The following DST variants were observed in gnomAD, a reference collection of about 807,000 sequenced individuals.
DST encodes the protein dystonin.
In DST, 253 loss-of-function variants were observed where a neutral mutation model predicts 875.2. That is an observed-to-expected ratio of 0.29 (90% confidence interval 0.26 to 0.32). The LOEUF (loss-of-function observed/expected upper bound fraction) is 0.32, where lower values mean the gene tolerates loss of function less well. Ranked by LOEUF, DST falls within the 10% of genes least tolerant of loss-of-function variation. DST has a pLI of 1.00. For synonymous variants in DST, 3,124 were observed against 3,197.1 expected, an observed-to-expected ratio of 0.98 and a Z score of 0.77; for missense variants, 8,287 against 9,111.6, an observed-to-expected ratio of 0.91 and a Z score of 3.68.
intron 2 of DST, among the ~76,000 whole-genome samples, chr6:56,934,161 T>A (rs1262501323): frequency 6.6e-6 from 1 of 152,102 alleles, no homozygotes; most frequent in Non-Finnish European, 1.5e-5. Flanking sequence ...ATGCTACTCA[T>A]CTTTCTAGCG....
At chr6:56,954,002 G>T (rs926882386) in intron 1 of DST, among the ~76,000 whole-genome samples, 183 bp from the exon 2 acceptor site, 4 of 152,142 alleles carry the variant, frequency 2.6e-5, no homozygotes, top group Admixed American at 6.5e-5. Context: ...TGATTTCTCC[G>T]CGAGAAGTTT....
intron 36 of DST, among the ~76,000 whole-genome samples, chr6:56,621,811 TAGAC>T (rs1341795106): frequency 6.6e-6 from 1 of 152,364 alleles, no homozygotes; most frequent in East Asian, 1.9e-4. Flanking sequence ...GAAATTATTT[TAGAC>T]AGATTTGTTT....
intron 55 of DST, among the ~76,000 whole-genome samples, chr6:56,567,101 C>T (rs2097692469): frequency 6.6e-6 from 1 of 152,172 alleles, no homozygotes; most frequent in African/African-American, 2.4e-5. Flanking sequence ...AGGTCCATTG[C>T]TTAGCAAGTA....
chr6:56,772,265 A>G (rs1275378761), intron 4 of DST, among the ~76,000 whole-genome samples: 1 of 152,238 alleles, frequency 6.6e-6, no homozygotes, highest in East Asian at 1.9e-4. Context: ...TTGCAATATA[A>G]CATCTAAATT....
At chr6:56,878,427 C>T (rs192886123) in intron 3 of DST, among the ~76,000 whole-genome samples, 4 of 152,232 alleles carry the variant, frequency 2.6e-5, no homozygotes, top group Admixed American at 6.5e-5. Flanking sequence ...GCTGCCCCTC[C>T]GTGGCACATG....
chr6:56,881,656 A>C (rs531253716), intron 3 of DST, among the ~76,000 whole-genome samples: 80 of 152,346 alleles, frequency 5.3e-4, no homozygotes, highest in African/African-American at 1.8e-3. Context: ...AGAGCAAGCC[A>C]TAGGCCACAG....
chr6:56,804,408 G>A (rs887458259), intron 4 of DST, among the ~76,000 whole-genome samples: 1 of 151,974 alleles, frequency 6.6e-6, no homozygotes, highest in Non-Finnish European at 1.5e-5. Flanking sequence ...TAACTGTTTT[G>A]GTATTACTAA....
intron 61 of DST, among the ~76,000 whole-genome samples, chr6:56,537,875 T>C (rs2097042514): frequency 6.6e-6 from 1 of 152,238 alleles, no homozygotes; most frequent in East Asian, 1.9e-4. Flanking sequence ...CATGTAATAT[T>C]TGCCAATATT....
rs963527819 is a variant in DST at position 56,606,995 on chromosome 6, G to A, written c.7633C>T (p.Pro2545Ser). The A allele has an allele frequency of 1.2e-6, 2 of 1,613,290 alleles. No homozygotes were observed. The highest frequency in any genetic ancestry group is 1.3e-5 in the African/African-American group (1 of 74,850). ...TCAGACTCATCTTCCTTGTCTTCAG[G>A]CATCTGCTGAAAACCTGGATGTGTT... is the stretch of plus-strand genomic sequence containing the variant. ...EKTHPGFQQM[P>S]EDKEDESEIE... The change falls in exon 40 of 104, where the codon CCT becomes TCT. Residue 2545 changes from proline to serine, a missense_variant. Pro to Ser is a moderately conservative substitution (Grantham distance 74). Transcript: ENST00000680361.
chr6:56,529,440 C>G lies in DST; in HGVS notation c.17595+8G>C. On this transcript the variant is annotated splice_region_variant and intron_variant, in intron 66 of 103. Transcript: ENST00000680361. ...AAAAATAAGATAAAATAAAATAAAT[C>G]AAAATACCCGAAGTTCAGACTGCTG... 1 of 1,448,750 alleles carries G rather than the reference C, an allele frequency of 6.9e-7. No individual in the cohort carries two copies. Among genetic ancestry groups the G allele is most frequent in the Non-Finnish European group, 9.1e-7 (1 of 1,098,936 alleles). The allele number at this position is 1,448,750 out of a possible 1,614,324, so 89.7% of individuals were successfully genotyped here.
intron 2 of DST, among the ~76,000 whole-genome samples, chr6:56,930,173 T>C (rs1809402074): frequency 6.6e-6 from 1 of 152,264 alleles, no homozygotes. Flanking sequence ...CCTCATCTTG[T>C]AGCACTCAGT....
chr6:56,917,009 A>AAAAAAAAAAAAAAAAAAAC (rs1801574430), intron 2 of DST, among the ~76,000 whole-genome samples: 1 of 99,862 alleles, frequency 1.0e-5, no homozygotes, highest in African/African-American at 4.0e-5. Flanking sequence ...AAAAAAAAAA[A>AAAAAAAAAAAAAAAAAAAC]AAAAAAAAGA....
At chr6:56,636,708 C>T in intron 22 of DST, 56 bp from the exon 23 acceptor site, 2 of 1,329,294 alleles carry the variant, frequency 1.5e-6, no homozygotes, top group East Asian at 2.3e-5. Context: ...GGCACACATA[C>T]CTTTTGATAT....
chr6:56,938,076 CTCTCTT>C (rs1813968673), intron 2 of DST, among the ~76,000 whole-genome samples: 1 of 78,698 alleles, frequency 1.3e-5, no homozygotes, highest in South Asian at 4.7e-4. Flanking sequence ...ACACCTCTCT[CTCTCTT>C]TCTCTCTCTC....
At chr6:56,562,242 A>G (rs1377299180) in intron 55 of DST, 42 bp from the exon 56 acceptor site, 2 of 1,349,570 alleles carry the variant, frequency 1.5e-6, no homozygotes, top group African/African-American at 1.5e-5. Context: ...GTTTCATAGT[A>G]TTTCTATACA....
intron 59 of DST, 38 bp from the exon 60 acceptor site, chr6:56,555,878 T>A (rs1465276184): frequency 7.0e-7 from 1 of 1,424,306 alleles, no homozygotes; most frequent in South Asian, 1.8e-5. Context: ...AATTATTATA[T>A]AATTGATTGT....
At chr6:56,484,286 A>T (rs2095492717) in intron 88 of DST, 2 of 152,246 alleles carry the variant, frequency 1.3e-5, no homozygotes, top group African/African-American at 4.8e-5. Flanking sequence ...TGTGATTTTT[A>T]AATTTTTAAC....
chr6:56,588,119 C>T (rs2098197557), intron 49 of DST, among the ~76,000 whole-genome samples: 1 of 152,176 alleles, frequency 6.6e-6, no homozygotes, highest in Non-Finnish European at 1.5e-5. Flanking sequence ...TTTATAGCAA[C>T]ACAAGAACAG....
chr6:56,582,511 A>G (rs1206436950), intron 49 of DST, among the ~76,000 whole-genome samples: 2 of 152,016 alleles, frequency 1.3e-5, no homozygotes, highest in Non-Finnish European at 2.9e-5. Context: ...AAGCTGAGTG[A>G]TGTCAGTGCC....
Sources: allele counts gnomAD v4.1 joint callset (sites outside exome capture counted in the v4.1 genomes callset), GRCh38; gene constraint gnomAD v4.1.1; transcripts MANE v1.5; gene names NCBI Gene and HGNC (gene_info 2026-07-23, HGNC 2026-07-21).